The following VPS13D variants were observed in gnomAD, a reference collection of about 807,000 sequenced individuals.
The protein encoded by VPS13D is intermembrane lipid transfer protein VPS13D.
In VPS13D, 187 loss-of-function variants were observed where a neutral mutation model predicts 461.9. The observed-to-expected ratio is 0.40, with a 90% confidence interval of 0.36 to 0.46. VPS13D has a LOEUF of 0.46. Among genes scored for constraint, VPS13D ranks in the 20% least tolerant of loss-of-function variants. The probability of loss-of-function intolerance (pLI) is 0.60; values close to 1 mark genes in which losing one functional copy is unlikely to be tolerated. For synonymous variants in VPS13D, 1,951 were observed against 1,986.3 expected (o/e 0.98, Z 0.47); for missense variants, 4,711 against 5,364.9 (o/e 0.88, Z 3.81).
chr1:12,507,574 C>T lies in VPS13D; in HGVS notation c.13035+481C>T, dbSNP rs1324608722. Among the ~76,000 whole-genome samples the T allele has an allele frequency of 1.3e-5, 2 of 152,218 alleles. No homozygotes were observed. Among genetic ancestry groups the T allele is most frequent in the African/African-American group, 4.8e-5 (2 of 41,456 alleles). On this transcript the variant is annotated intron_variant, in intron 69 of 69. Transcript: ENST00000620676. This position sits in a 1 kb window ranked among gnomAD's most constrained non-coding sequence, Gnocchi z 5.3. ...TAATTATTTGTAAATAAAAGTTATA[C>T]TTTCCCTCCAAAGGGGACAAGGTAT...
In VPS13D at chr1:12,293,543, C is replaced by T; in HGVS notation, c.5872C>T (p.Leu1958=). The T allele has an allele frequency of 1.2e-6, 2 of 1,608,580 alleles. No homozygotes were observed. The highest frequency in any genetic ancestry group is 1.7e-6 in the Non-Finnish European group (2 of 1,176,794). Residue 1958 remains leucine (L), a synonymous_variant, in exon 24 of 70, where the codon CTG becomes TTG. Coordinates refer to ENST00000620676, the MANE Select transcript of VPS13D (RefSeq NM_015378.4). Reference sequence around the variant, plus strand: ...TTTTAGATACGGACGGCCTGACCCTCTGCTCCGGAGAGAACACGACATTCG... The same window carrying T: ...TTTTAGATACGGACGGCCTGACCCTTTGCTCCGGAGAGAACACGACATTCG... ...QTFKYGRPDP[L]LRREHDIRVS... is the part of the protein sequence containing the mutation.
At chr1:12,270,705 CTGT>C (rs781272624) in intron 16 of VPS13D, among the ~76,000 whole-genome samples, 2 of 152,030 alleles carry the variant, frequency 1.3e-5, no homozygotes, top group Non-Finnish European at 2.9e-5. Context: ...GAGTAAGAAA[CTGT>C]TGTTACTGAT....
At chr1:12,381,985 T>TTTCTTTCTTTCC (rs1644287112) in intron 57 of VPS13D, among the ~76,000 whole-genome samples, 2 of 147,058 alleles carry the variant, frequency 1.4e-5, no homozygotes, top group Non-Finnish European at 3.0e-5. Flanking sequence ...TTTCTTTCTC[T>TTTCTTTCTTTCC]CTCTCTCTCT....
rs974501854 is a variant in VPS13D, at chr1:12,508,888, C to T, written c.13036-5C>T. 7 of 1,613,956 alleles carry T rather than the reference C, an allele frequency of 4.3e-6. No individual in the cohort carries two copies. The highest frequency in any genetic ancestry group is 4.2e-6 in the Non-Finnish European group (5 of 1,179,912). ...ACAGGTGACCCATCCTGTTCTCCTC[C>T]TTAGGTCCATGTGAAATCTGAGGTC... On this transcript the variant is annotated splice_region_variant and splice_polypyrimidine_tract_variant and intron_variant, in intron 69 of 69. Transcript: ENST00000620676.
intron 27 of VPS13D, among the ~76,000 whole-genome samples, chr1:12,310,921 C>G (rs954245703): frequency 2.7e-5 from 4 of 148,158 alleles, no homozygotes; most frequent in African/African-American, 5.0e-5. Flanking sequence ...CCCTCCCTCT[C>G]TCCCTCTCTC....
intron 50 of VPS13D, among the ~76,000 whole-genome samples, chr1:12,359,210 CA>C (rs1198395977): frequency 6.6e-6 from 1 of 152,132 alleles, no homozygotes; most frequent in African/African-American, 2.4e-5. Context: ...TGAGAACGCT[CA>C]AAAGATTCTC....
intron 7 of VPS13D, 160 bp from the exon 8 acceptor site, chr1:12,256,170 AAAG>A (rs1277773791): frequency 1.2e-5 from 9 of 745,456 alleles, no homozygotes; most frequent in African/African-American, 1.8e-5. Flanking sequence ...CCCTATATAA[AAAG>A]AATAAAAATG....
chr1:12,386,475 T>C, intron 60 of VPS13D, 141 bp downstream of exon 60: 1 of 1,015,666 alleles, frequency 9.8e-7, no homozygotes, highest in South Asian at 2.0e-5. Context: ...TGTGAAATAG[T>C]TGTTTCTACC....
chr1:12,497,320 C>A (rs1032406546), intron 67 of VPS13D, 180 bp from the exon 68 acceptor site: 8 of 610,922 alleles, frequency 1.3e-5, no homozygotes, highest in African/African-American at 1.9e-5. Flanking sequence ...GATTCAAAGT[C>A]AAATGAGGGT....
At chr1:12,386,133 C>A in intron 59 of VPS13D, 52 bp from the exon 60 acceptor site, 2 of 1,564,850 alleles carry the variant, frequency 1.3e-6, no homozygotes, top group Non-Finnish European at 1.7e-6. Flanking sequence ...CTCCTGGATA[C>A]TGTGAGCTGT....
intron 2 of VPS13D, among the ~76,000 whole-genome samples, chr1:12,241,762 T>A (rs1449875837): frequency 6.6e-6 from 1 of 152,200 alleles, no homozygotes; most frequent in Non-Finnish European, 1.5e-5. Flanking sequence ...AGAGTATAAT[T>A]CCTTTTGAAG....
Position 12,508,948 on chromosome 1 carries a change from C to G in VPS13D, c.13091C>G (p.Ala4364Gly). The stretch of plus-strand genomic sequence containing the variant: ...AAGTTGTCACAAGAAATAAACTACG[C>G]AAAGAGCCTCTACTATGAACAGCAG... The part of the protein sequence containing the change: ...AVKLSQEINY[A>G]KSLYYEQQLM... The change falls in exon 70 of 70, where the codon GCA (alanine) becomes GGA (glycine). Residue 4364 changes from alanine (A) to glycine (G), a missense_variant. Around this residue, in one of 3 missense-constraint regions of VPS13D, gnomAD observed 194 missense variants for 220.9 expected, o/e 0.88. Transcript: ENST00000620676. 6.2e-7 allele frequency: 1 copy of G among 1,614,194 alleles called. No individual in the cohort carries two copies. Among genetic ancestry groups the G allele is most frequent in the Non-Finnish European group, 8.5e-7 (1 of 1,180,034 alleles).
Position 12,318,278 on chromosome 1 carries a change from A to G in VPS13D, c.7355A>G (p.Lys2452Arg), listed in dbSNP as rs367635254. 3.7e-6 allele frequency: 6 copies of G among 1,613,866 alleles called. No homozygotes were observed. The highest frequency in any genetic ancestry group is 1.6e-4 in the Middle Eastern group (1 of 6,082). Residue 2452 changes from lysine to arginine, a missense_variant, in exon 31 of 70, where the codon AAG (lysine) becomes AGG (arginine). Physicochemically the swap from Lys to Arg is conservative, Grantham distance 26 (BLOSUM62 2). This residue lies in a region of VPS13D where 4,411 missense variants were observed against 4,937.8 expected (regional missense o/e 0.89). Transcript: ENST00000620676. ...ACTGTGAAGAGTGGAGTAGTTACCA[A>G]GCGGTCTTCCCTTCCTGTGTCCAAT... ...PKTVKSGVVT[K>R]RSSLPVSNER...
chr1:12,249,429 G>A (rs1177308906), intron 6 of VPS13D, 90 bp downstream of exon 6: 4 of 1,000,888 alleles, frequency 4.0e-6, no homozygotes, highest in Non-Finnish European at 4.5e-6. Context: ...TTATGTAAAT[G>A]AATCACATTC....
intron 20 of VPS13D, among the ~76,000 whole-genome samples, chr1:12,282,029 A>G (rs1641799931): frequency 6.6e-6 from 1 of 152,020 alleles, no homozygotes; most frequent in African/African-American, 2.4e-5. Flanking sequence ...CTGGGACTAC[A>G]GGCCTGTGCC....
intron 24 of VPS13D, among the ~76,000 whole-genome samples, chr1:12,298,359 C>T (rs1362980511): frequency 2.0e-5 from 3 of 152,070 alleles, no homozygotes; most frequent in African/African-American, 4.8e-5. Flanking sequence ...AGGATATGTT[C>T]TGGGCTGGGC....
chr1:12,487,266 A>G (rs1018069007), intron 67 of VPS13D, among the ~76,000 whole-genome samples: 1 of 152,100 alleles, frequency 6.6e-6, no homozygotes, highest in African/African-American at 2.4e-5. Flanking sequence ...GTTTGATAGT[A>G]GAAGGAGATT....
chr1:12,326,092 C>A (rs567668019), intron 35 of VPS13D, among the ~76,000 whole-genome samples: 11 of 150,050 alleles, frequency 7.3e-5, no homozygotes, highest in Admixed American at 1.3e-4. Context: ...TGTGAAAAGG[C>A]TTGTTTCATG....
rs1486570320 is a variant in VPS13D, at chr1:12,459,486, T to TC, written c.12467-715_12467-714insC. Among the ~76,000 whole-genome samples, 10 of 149,556 alleles carry TC rather than the reference T, an allele frequency of 6.7e-5. No individual in the cohort carries two copies. The South Asian group carries it at 1.3e-3, about 19-fold the overall frequency. ...TAGATATCTTTCTTTTCTTTTCTTT[T>TC]TTTTTTTTTTTTTGAGACAGTCTCG... is the stretch of plus-strand genomic sequence containing the variant. On this transcript the variant is annotated intron_variant, in intron 66 of 69. Coordinates refer to ENST00000620676, the MANE Select transcript of VPS13D (RefSeq NM_015378.4).
Sources: gnomAD v4.1 joint callset for allele counts (sites outside exome capture counted in the v4.1 genomes callset) on GRCh38, gnomAD v4.1.1 for gene constraint, gnomAD v4.1.1 regional missense constraint, Gnocchi (gnomAD v3.1) non-coding constraint, MANE v1.5 for transcripts, NCBI Gene and HGNC (gene_info 2026-07-23, HGNC 2026-07-21) for gene names.